The following ZAN variants were observed in gnomAD, a reference collection of about 807,000 sequenced individuals.
ZAN encodes the protein zonadhesin (gene/pseudogene).
ZAN carries 260 observed loss-of-function variants against 286.2 expected under a neutral mutation model. The ratio of observed to expected loss-of-function variants is 0.91; its 90% CI spans 0.82 to 1.01. The LOEUF is 1.01. Ranked by LOEUF, ZAN falls within the 50% of genes least tolerant of loss-of-function variation. The pLI, the probability that ZAN is intolerant of heterozygous loss-of-function variation, is 0.00. For missense variants in ZAN, 3,410 were observed against 3,639.2 expected (o/e 0.94, Z 1.62); for synonymous variants, 1,368 against 1,417.5 (o/e 0.97, Z 0.79).
At chr7:100,787,031 C>A (rs1256549204) in intron 37 of ZAN, among the ~76,000 whole-genome samples, 1 of 151,412 alleles carries the variant, frequency 6.6e-6, no homozygotes, top group Non-Finnish European at 1.5e-5. Context: ...CACTGCACTC[C>A]AGCCTGGGAC....
In ZAN at chr7:100,772,005, AACAGAAC is replaced by A. The variant is rs777333302; in HGVS notation, c.5411_5417del (p.Asn1804ThrfsTer5). 24 of 1,601,456 alleles carry A rather than the reference AACAGAAC, an allele frequency of 1.5e-5. No individual in the cohort carries two copies. In the South Asian group the frequency reaches 2.6e-4, roughly 18 times the overall value. On this transcript the variant is annotated frameshift_variant, in exon 29 of 48. Transcript: ENST00000613979. LOFTEE classifies it high-confidence loss of function. ...GGCTGGCCAGGCCCCTGCCTGGCGG[AACAGAAC>A]CTTCTGCCGTGAGTGACTGGCCACC... is the stretch of plus-strand genomic sequence containing the variant.
intron 34 of ZAN, among the ~76,000 whole-genome samples, chr7:100,778,442 G>GAA (rs56157872): frequency 0.036 from 4,752 of 133,202 alleles, 279 homozygotes; most frequent in African/African-American, 0.12. Flanking sequence ...CATCTCTACA[G>GAA]AAAAAAAAAA....
intron 32 of ZAN, 47 bp downstream of exon 32, chr7:100,775,622 G>A (rs767172716): frequency 1.1e-5 from 17 of 1,610,970 alleles, no homozygotes; most frequent in South Asian, 2.2e-5. Context: ...GCTGGGGAGG[G>A]GACTCTTGTC....
Position 100,791,977 on chromosome 7 carries a change from CGGA to C in ZAN, c.7550_7552del (p.Glu2517del). 2 of 1,612,174 alleles carry C rather than the reference CGGA, an allele frequency of 1.2e-6. No homozygotes were observed. Among genetic ancestry groups the C allele is most frequent in the Admixed American group, 3.3e-5 (2 of 59,806 alleles). ...TGTCTCTACTGCAGGGCTATACCAGCGGAGGAGGAGGGACAAGGGGCGGAGCTG... is the reference window on the plus strand; with the variant it reads ...TGTCTCTACTGCAGGGCTATACCAGCGGAGGAGGGACAAGGGGCGGAGCTG... On this transcript the variant is annotated inframe_deletion, in exon 41 of 48. Coordinates refer to ENST00000613979, the MANE Select transcript of ZAN (RefSeq NM_003386.3).
At chr7:100,771,005 TG>T (rs1213370792) in intron 28 of ZAN, among the ~76,000 whole-genome samples, 1 of 152,136 alleles carries the variant, frequency 6.6e-6, no homozygotes, top group African/African-American at 2.4e-5. Flanking sequence ...CATTTCACCA[TG>T]TTGGCCAGGC....
intron 29 of ZAN, among the ~76,000 whole-genome samples, chr7:100,772,694 G>A (rs1464836805): frequency 1.3e-5 from 2 of 151,620 alleles, no homozygotes; most frequent in South Asian, 2.1e-4. Flanking sequence ...GGTGGTGGGC[G>A]CCTGTAGTCC....
chr7:100,795,367 CACA>C (rs1812295391), intron 45 of ZAN, 31 bp downstream of exon 45: 1 of 1,490,254 alleles, frequency 6.7e-7, no homozygotes, highest in Admixed American at 2.3e-5. Context: ...CCTGTACCCT[CACA>C]ACCTCTTCCT....
chr7:100,779,830 C>G, intron 35 of ZAN, 80 bp downstream of exon 35: 1 of 1,394,484 alleles, frequency 7.2e-7, no homozygotes, highest in Non-Finnish European at 9.6e-7. Flanking sequence ...CCCTCACTCT[C>G]CTTCCTGTTC....
chr7:100,791,078 G>C lies in ZAN; in HGVS notation c.7494G>C (p.Glu2498Asp). 6.2e-7 allele frequency: 1 copy of C among 1,613,076 alleles called. No individual in the cohort carries two copies. The highest frequency in any genetic ancestry group is 8.5e-7 in the Non-Finnish European group (1 of 1,179,694). The change falls in exon 40 of 48, where the codon GAG becomes GAC. Residue 2498 changes from glutamate (E) to aspartate (D), a missense_variant. Around this residue, in one of 7 missense-constraint regions of ZAN, gnomAD observed 1,289 missense variants for 1,314.3 expected, o/e 0.98. Transcript: ENST00000613979. The part of the protein sequence containing the change: ...QNLNTFGNSW[E>D]VKTEDALLRF... ...TCAACACCTTTGGCAACAGCTGGGA[G>C]GTGAAGACCGAGGACGCACTCCTGC...
In ZAN at chr7:100,766,553, G is replaced by T. The variant is rs1232449413; in HGVS notation, c.4499G>T (p.Cys1500Phe). ...GGGGAGCGGTGGTACAAGCCAGGCTGCAAAGAGTTGTGCGTCTGTGAAAGC... is the reference window on the plus strand; with the variant it reads ...GGGGAGCGGTGGTACAAGCCAGGCTTCAAAGAGTTGTGCGTCTGTGAAAGC... ...KVGERWYKPG[C>F]KELCVCESNN... Residue 1500 changes from cysteine to phenylalanine, a missense_variant, in exon 24 of 48, where the codon TGC (cysteine) becomes TTC (phenylalanine). Physicochemically the swap from Cys to Phe is radical, Grantham distance 205. Around this residue, in one of 7 missense-constraint regions of ZAN, gnomAD observed 1,042 missense variants for 1,058.0 expected, o/e 0.98. Transcript: ENST00000613979. The T allele has an allele frequency of 6.4e-7, 1 of 1,551,850 alleles. No homozygotes were observed. The highest frequency in any genetic ancestry group is 1.2e-5 in the South Asian group (1 of 84,054).
Position 100,779,755 on chromosome 7 carries a change from G to A in ZAN, c.6622+5G>A, listed in dbSNP as rs1411336337. On this transcript the variant is annotated splice_donor_5th_base_variant and intron_variant, in intron 35 of 47. Transcript: ENST00000613979. ...GGAGAAACAGCAGCTTCTGCCGTGAGTGTGCCCTGCTGTCACCCCAAACCC... is the reference window on the plus strand; with the variant it reads ...GGAGAAACAGCAGCTTCTGCCGTGAATGTGCCCTGCTGTCACCCCAAACCC... 6.5e-7 allele frequency: 1 copy of A among 1,547,744 alleles called. No homozygotes were observed.
chr7:100,744,645 G>A (rs1235432072), intron 7 of ZAN, among the ~76,000 whole-genome samples: 1 of 151,150 alleles, frequency 6.6e-6, no homozygotes, highest in Non-Finnish European at 1.5e-5. Flanking sequence ...AAGGCCTTAA[G>A]AAGCCCTGGC....
rs185535510 is a variant in ZAN, at chr7:100,769,475, C to A, written c.5154-405C>A. Among the ~76,000 whole-genome samples the A allele has an allele frequency of 8.6e-5, 13 of 151,100 alleles. No homozygotes were observed. In the East Asian group the frequency reaches 2.6e-3, roughly 30 times the overall value. ...CTTGTCTTTTTTTTTCTTTTCTTTT[C>A]TTTCCTTTCCTTTCCTTCTCTTCCC... On this transcript the variant is annotated intron_variant, in intron 27 of 47. Transcript: ENST00000613979.
At chr7:100,772,524 A>C (rs1330522961) in intron 29 of ZAN, among the ~76,000 whole-genome samples, 1 of 152,052 alleles carries the variant, frequency 6.6e-6, no homozygotes, top group Non-Finnish European at 1.5e-5. Flanking sequence ...GTTGAAGTGT[A>C]CATTTAAAAA....
intron 6 of ZAN, among the ~76,000 whole-genome samples, chr7:100,738,180 C>T (rs1466021137): frequency 7.1e-6 from 1 of 139,978 alleles, no homozygotes; most frequent in Non-Finnish European, 1.6e-5. Flanking sequence ...TGTTCTAGAA[C>T]TCCTGACCTC....
In ZAN at chr7:100,738,937, C is replaced by T. The variant is rs1449543547; in HGVS notation, c.766+324C>T. Reference sequence around the variant, plus strand: ...TCCCTCTCCCTCTCCCTCTCCCTCTCCCTCTCCCTCTCCCTCTCCCTCTCC... The same window carrying T: ...TCCCTCTCCCTCTCCCTCTCCCTCTTCCTCTCCCTCTCCCTCTCCCTCTCC... On this transcript the variant is annotated intron_variant, in intron 7 of 47. Coordinates refer to ENST00000613979, the MANE Select transcript of ZAN (RefSeq NM_003386.3). Among the ~76,000 whole-genome samples the T allele has an allele frequency of 2.7e-3, 12 of 4,480 alleles. 2 individuals carry two copies. The highest frequency in any genetic ancestry group is 0.017 in the Admixed American group (6 of 346). The allele number at this position is 4,480 out of a possible 152,430, so 2.9% of individuals were successfully genotyped here.
In ZAN at chr7:100,775,492, G is replaced by A. The variant is rs763825311; in HGVS notation, c.5944G>A (p.Gly1982Arg). The change falls in exon 32 of 48, where the codon GGA becomes AGA. Residue 1982 changes from glycine (G) to arginine (R), a missense_variant. Coordinates refer to ENST00000613979, the MANE Select transcript of ZAN (RefSeq NM_003386.3). ...TGCCAAGCATGAGAAGGAGGAAGGT[G>A]GAACTGAGGCTTTCCGCCTTCATGA... ...ISAKHEKEEG[G>R]TEAFRLHEVY... 1.9e-6 allele frequency: 3 copies of A among 1,613,848 alleles called. No homozygotes were observed. The highest frequency in any genetic ancestry group is 2.7e-5 in the African/African-American group (2 of 74,920).
chr7:100,789,311 G>C lies in ZAN; in HGVS notation c.7321G>C (p.Glu2441Gln), dbSNP rs757814911. ...GQRLYLVTDF[E>Q]LVVSFGGRKN... Reference sequence around the variant, plus strand: ...ACGGCTCTACCTGGTCACCGACTTTGAGCTGGTCGTCAGCTTTGGTGGAAG... The same window carrying C: ...ACGGCTCTACCTGGTCACCGACTTTCAGCTGGTCGTCAGCTTTGGTGGAAG... The change falls in exon 39 of 48, where the codon GAG becomes CAG. Residue 2441 changes from glutamate to glutamine, a missense_variant. By Grantham distance (29) the Glu-to-Gln change is conservative. Transcript: ENST00000613979. 1 of 1,613,932 alleles carries C rather than the reference G, an allele frequency of 6.2e-7. No individual in the cohort carries two copies. The highest frequency in any genetic ancestry group is 8.5e-7 in the Non-Finnish European group (1 of 1,179,860).
intron 35 of ZAN, among the ~76,000 whole-genome samples, chr7:100,784,275 G>A (rs979275004): frequency 1.3e-4 from 19 of 151,332 alleles, no homozygotes; most frequent in Admixed American, 7.9e-4. Context: ...GACTACAGGC[G>A]CCCACCACCA....
Sources: allele counts gnomAD v4.1 joint callset (sites outside exome capture counted in the v4.1 genomes callset), GRCh38; gene constraint gnomAD v4.1.1; regional missense constraint gnomAD v4.1.1; transcripts MANE v1.5; gene names NCBI Gene and HGNC (gene_info 2026-07-23, HGNC 2026-07-21).